SLC16A3: variants seen among roughly 807,000 people sequenced by gnomAD.
The protein encoded by SLC16A3 is monocarboxylate transporter 4.
Under a neutral mutation model 25.0 loss-of-function variants are expected in SLC16A3, and 22 were observed. That is an observed-to-expected ratio of 0.88 (90% CI 0.63 to 1.26). The LOEUF (loss-of-function observed/expected upper bound fraction) is 1.26, where lower values mean the gene tolerates loss of function less well. Among genes scored for constraint, SLC16A3 ranks in the 50% most tolerant of loss-of-function variants. The pLI is 0.00. For synonymous variants in SLC16A3, 390 were observed against 309.2 expected (o/e 1.26, Z -2.74); for missense variants, 731 against 666.6 (o/e 1.10, Z -1.06).
chr17:82,238,900 G>A lies in SLC16A3; in HGVS notation c.1322G>A (p.Arg441Gln), dbSNP rs565383207. 14 of 1,601,716 alleles carry A rather than the reference G, an allele frequency of 8.7e-6. No individual in the cohort carries two copies. The highest frequency in any genetic ancestry group is 5.1e-5 in the Admixed American group (3 of 59,376). Residue 441 changes from arginine (R) to glutamine (Q), a missense_variant, in exon 5 of 5, where the codon CGG (arginine) becomes CAG (glutamine). Transcript: ENST00000582743. ...CCTGCAGACTCGGGGGTGGACTTGCGGGAGGTGGAGCATTTCCTGAAGGCT... is the reference window on the plus strand; with the variant it reads ...CCTGCAGACTCGGGGGTGGACTTGCAGGAGGTGGAGCATTTCCTGAAGGCT... ...KPPADSGVDL[R>Q]EVEHFLKAEP...
intron 3 of SLC16A3, 93 bp from the exon 4 acceptor site, chr17:82,237,045 G>A (rs1401419777): frequency 2.1e-6 from 3 of 1,455,238 alleles, no homozygotes; most frequent in South Asian, 2.8e-5. Flanking sequence ...TGCACCCTGG[G>A]AGCCTGAGCC....
rs1177882822 is a variant in SLC16A3, at chr17:82,240,082, A to G, written c.*1106A>G. The G allele has an allele frequency of 2.4e-6, 3 of 1,233,304 alleles. No individual in the cohort carries two copies. The highest frequency in any genetic ancestry group is 6.3e-5 in the East Asian group (2 of 31,682). The allele number at this position is 1,233,304 out of a possible 1,614,324, so 76.4% of individuals were successfully genotyped here. ...GCTCCTCTGCAATGAAAAGCAAGCG[A>G]AAAGTGCACATCTCAGGTCCAGCTG... On this transcript the variant is annotated 3_prime_UTR_variant, in exon 5 of 5. Coordinates refer to ENST00000582743, the MANE Select transcript of SLC16A3 (RefSeq NM_004207.4).
At chr17:82,233,052 T>C (rs755618381) in intron 1 of SLC16A3, among the ~76,000 whole-genome samples, 75 of 152,138 alleles carry the variant, frequency 4.9e-4, no homozygotes, top group Non-Finnish European at 9.4e-4. Flanking sequence ...CCGGGCAGTC[T>C]GTACCTTGGC....
chr17:82,235,867 C>T (rs2050587387), intron 1 of SLC16A3, 116 bp from the exon 2 acceptor site: 1 of 670,862 alleles, frequency 1.5e-6, no homozygotes, highest in Non-Finnish European at 2.6e-6. Flanking sequence ...AGTGTGGGTG[C>T]CGGGCAGCTG....
intron 1 of SLC16A3, chr17:82,233,633 G>A (rs2050536711): frequency 6.6e-6 from 1 of 152,266 alleles, no homozygotes; most frequent in Non-Finnish European, 1.5e-5. Flanking sequence ...TTTGCAGGGG[G>A]AACCTGGGGT....
chr17:82,226,706 C>G (rs1046131380), upstream of SLC16A3, among the ~76,000 whole-genome samples: 6 of 152,228 alleles, frequency 3.9e-5, no homozygotes, highest in Middle Eastern at 3.4e-3. Flanking sequence ...AACTGCTGGG[C>G]CTTTCTAAAA....
At chr17:82,218,006 CTGG>C (rs2050365773) in exon 1 of SLC16A3, among the ~76,000 whole-genome samples, 2 of 152,244 alleles carry the variant, frequency 1.3e-5, no homozygotes, top group African/African-American at 4.8e-5. Context: ...TGGCTCTGGC[CTGG>C]TGAAGGCCAA....
rs1397791035 is a variant in SLC16A3, at chr17:82,236,851, C to T, written c.346C>T (p.Leu116Phe). Residue 116 changes from leucine to phenylalanine, a missense_variant, in exon 3 of 5, where the codon CTC becomes TTC. By Grantham distance (22) the Leu-to-Phe change is conservative. Coordinates refer to ENST00000582743, the MANE Select transcript of SLC16A3 (RefSeq NM_004207.4). ...SFCRSIIQVY[L>F]TTGVITGLGL... ...TTGCCGGAGCATCATCCAGGTCTAC[C>T]TCACCACTGGGGTCATCACGGGTGA... 6.2e-7 allele frequency: 1 copy of T among 1,606,782 alleles called. No homozygotes were observed. Among genetic ancestry groups the T allele is most frequent in the Non-Finnish European group, 8.5e-7 (1 of 1,179,820 alleles).
chr17:82,224,114 A>G (rs1480115734), upstream of SLC16A3, among the ~76,000 whole-genome samples: 1 of 126,792 alleles, frequency 7.9e-6, no homozygotes, highest in Non-Finnish European at 1.7e-5. Context: ...ACCCGTGCAG[A>G]CACACCCCTA....
intron 1 of SLC16A3, among the ~76,000 whole-genome samples, chr17:82,219,424 G>A (rs1461886693): frequency 2.6e-5 from 4 of 152,090 alleles, no homozygotes; most frequent in Non-Finnish European, 4.4e-5. Flanking sequence ...AGACAGCAGG[G>A]AAGGTCCGGT....
intron 1 of SLC16A3, among the ~76,000 whole-genome samples, chr17:82,221,697 C>G (rs1251377152): frequency 6.6e-6 from 1 of 152,124 alleles, no homozygotes; most frequent in Admixed American, 6.5e-5. Flanking sequence ...AAACGCAAAT[C>G]CAATCCATCA....
rs528827385 is a variant in SLC16A3 at position 82,219,462 on chromosome 17, G to A, written c.-27+1278G>A. Among the ~76,000 whole-genome samples the A allele has an allele frequency of 3.9e-5, 6 of 152,232 alleles. No homozygotes were observed. In the East Asian group the frequency reaches 1.2e-3, roughly 29 times the overall value. On this transcript the variant is annotated intron_variant, in intron 1 of 4. Transcript: ENST00000580098. ...CCCCCAGGCACTTGCAGGCCGTGGG[G>A]GCTCCCCAGGAGCCAGTGGCCGCCC... is the stretch of plus-strand genomic sequence containing the variant.
chr17:82,228,338 G>A (rs1380714461), upstream of SLC16A3: 1 of 152,290 alleles, frequency 6.6e-6, no homozygotes. Flanking sequence ...TCTGGGCCGC[G>A]AGAGGGGCGG....
At chr17:82,226,662 C>A (rs1001680433), upstream of SLC16A3, among the ~76,000 whole-genome samples, 2 of 152,106 alleles carry the variant, frequency 1.3e-5, no homozygotes, top group Non-Finnish European at 2.9e-5. Context: ...GCCACCTGGG[C>A]CCTGGTGCCA....
intron 1 of SLC16A3, among the ~76,000 whole-genome samples, chr17:82,222,803 CAAAAAAA>C: frequency 9.6e-6 from 1 of 104,636 alleles, no homozygotes; most frequent in African/African-American, 3.8e-5. Context: ...GACTCCGTCT[CAAAAAAA>C]AAAAAAAAAA....
At chr17:82,232,560 C>T (rs2050514620) in intron 1 of SLC16A3, among the ~76,000 whole-genome samples, 1 of 152,230 alleles carries the variant, frequency 6.6e-6, no homozygotes, top group Non-Finnish European at 1.5e-5. Flanking sequence ...GCGTTCCAGG[C>T]CTGTGACGGG....
At chr17:82,236,428 C>T (rs1416313311) in intron 2 of SLC16A3, 197 bp downstream of exon 2, 1 of 639,778 alleles carries the variant, frequency 1.6e-6, no homozygotes, top group Admixed American at 2.9e-5. Context: ...CGAAGTCCAT[C>T]CTGGCCCCTG....
chr17:82,228,807 G>A (rs2050446789), upstream of SLC16A3, among the ~76,000 whole-genome samples: 1 of 151,970 alleles, frequency 6.6e-6, no homozygotes, highest in Non-Finnish European at 1.5e-5. Context: ...GAGCAGAGGG[G>A]GCGGGCCAGC....
Position 82,236,838 on chromosome 17 carries a change from C to T in SLC16A3, c.333C>T (p.Ile111=). 1 of 1,607,320 alleles carries T rather than the reference C, an allele frequency of 6.2e-7. No individual in the cohort carries two copies. Among genetic ancestry groups the T allele is most frequent in the East Asian group, 2.2e-5 (1 of 44,886 alleles). ...GMVAASFCRS[I]IQVYLTTGVI... ...TGGCTGCGTCCTTTTGCCGGAGCAT[C>T]ATCCAGGTCTACCTCACCACTGGGG... Residue 111 remains isoleucine (I), a synonymous_variant, in exon 3 of 5, where the codon ATC becomes ATT. Transcript: ENST00000582743.
Sources: gnomAD v4.1 joint callset for allele counts (sites outside exome capture counted in the v4.1 genomes callset) on GRCh38, gnomAD v4.1.1 for gene constraint, MANE v1.5 for transcripts, NCBI Gene and HGNC (gene_info 2026-07-23, HGNC 2026-07-21) for gene names.